The following FGF8 variants were observed in gnomAD, a reference collection of about 807,000 sequenced individuals.
The protein encoded by FGF8 is fibroblast growth factor 8.
FGF8 carries 12 observed loss-of-function variants against 29.7 expected under a neutral mutation model. The observed-to-expected ratio is 0.40, with a 90% CI of 0.26 to 0.65. The LOEUF (loss-of-function observed/expected upper bound fraction) is 0.65, where lower values mean the gene tolerates loss of function less well. FGF8 is among the 30% of genes least tolerant of loss of function. FGF8 has a pLI of 0.37. For missense variants in FGF8, 271 were observed against 345.1 expected, an observed-to-expected ratio of 0.79 and a Z score of 1.70; for synonymous variants, 157 against 144.4, an observed-to-expected ratio of 1.09 and a Z score of -0.63.
chr10:101,776,963 C>T (rs2065103691), upstream of FGF8, among the ~76,000 whole-genome samples: 1 of 152,058 alleles, frequency 6.6e-6, no homozygotes, highest in Non-Finnish European at 1.5e-5. Context: ...CCTGGCAGGA[C>T]CCACTGTCCC....
intron 4 of FGF8, 33 bp downstream of exon 4, chr10:101,774,699 C>T (rs371242617): frequency 3.7e-5 from 59 of 1,586,592 alleles, no homozygotes; most frequent in Non-Finnish European, 4.9e-5. Context: ...CCAGGCGCCG[C>T]GCATCCCACA....
intron 5 of FGF8, 64 bp from the exon 6 acceptor site, chr10:101,770,683 G>T: frequency 6.4e-7 from 1 of 1,571,156 alleles, no homozygotes; most frequent in Non-Finnish European, 8.7e-7. Context: ...AGGGCGAGCG[G>T]CCCCAGACAG....
At chr10:101,780,314 C>T (rs2065132136), upstream of FGF8, 1 of 152,300 alleles carries the variant, frequency 6.6e-6, no homozygotes, top group Non-Finnish European at 1.5e-5. Context: ...GGGGGAGAAC[C>T]TCCTTCACTA....
rs764290567 is a variant in FGF8, at chr10:101,772,997, C to T, written c.338-1428G>A. On this transcript the variant is annotated intron_variant, in intron 4 of 5. Coordinates refer to ENST00000320185, the MANE Select transcript of FGF8 (RefSeq NM_033163.5). The surrounding 1 kb of genome is among the most constrained non-coding windows in gnomAD (Gnocchi z 4.4). ...CCACTCTGGGGATTCTGGCCAGATG[C>T]GGCAGGCAGGGATGAAGTAGGTGCC... Among the ~76,000 whole-genome samples, 8 of 152,282 alleles carry T rather than the reference C, an allele frequency of 5.3e-5. No homozygotes were observed. Among genetic ancestry groups the T allele is most frequent in the East Asian group, 3.9e-4 (2 of 5,192 alleles).
intron 5 of FGF8, among the ~76,000 whole-genome samples, chr10:101,770,927 C>T (rs1163151342): frequency 2.0e-5 from 3 of 152,068 alleles, no homozygotes; most frequent in Admixed American, 6.5e-5. Context: ...TCTGGCCACC[C>T]GTCTCCCCAC....
At position 101,775,701 on chromosome 10, in the gene FGF8, C is replaced by T. The variant is rs757356983; in HGVS notation, c.69+39G>A. 9.1e-6 allele frequency: 14 copies of T among 1,539,212 alleles called. No homozygotes were observed. The highest frequency in any genetic ancestry group is 8.4e-5 in the South Asian group (7 of 83,702). ...GGCGCTGCCCACCCGGGTCTCACAC[C>T]GGCGCGCCCGGCCCCCGCCTCCGCG... On this transcript the variant is annotated intron_variant, in intron 2 of 5. Transcript: ENST00000320185. This position sits in a 1 kb window ranked among gnomAD's most constrained non-coding sequence, Gnocchi z 4.6.
In FGF8 at chr10:101,771,549, C is replaced by G; in HGVS notation, c.358G>C (p.Asp120His). The change falls in exon 5 of 6, where the codon GAC (aspartate) becomes CAC (histidine). Residue 120 changes from aspartate (D) to histidine (H), a missense_variant. Around this residue, in one of 3 missense-constraint regions of FGF8, gnomAD observed 168 missense variants for 207.0 expected, o/e 0.81. Transcript: ENST00000320185. The surrounding 1 kb of genome is among the most constrained non-coding windows in gnomAD (Gnocchi z 5.3). ...ACTCGAACTCTGCTTCCAAAGGTGTCCGTCTCCACGATGAGCTTTGCTGTC... is the reference window on the plus strand; with the variant it reads ...ACTCGAACTCTGCTTCCAAAGGTGTGCGTCTCCACGATGAGCTTTGCTGTC... Reference protein sequence around the residue: ...DPFAKLIVETDTFGSRVRVRG... With the variant: ...DPFAKLIVETHTFGSRVRVRG... The G allele has an allele frequency of 6.2e-7, 1 of 1,614,130 alleles. No homozygotes were observed. Among genetic ancestry groups the G allele is most frequent in the Non-Finnish European group, 8.5e-7 (1 of 1,179,966 alleles).
intron 4 of FGF8, among the ~76,000 whole-genome samples, chr10:101,773,710 G>A (rs544494760): frequency 1.7e-4 from 26 of 152,284 alleles, no homozygotes; most frequent in Admixed American, 6.5e-4. Context: ...TCAAGAAGAG[G>A]AGAAAGTATT....
At chr10:101,776,854 CCACACACACACACACA>C (rs71016347), upstream of FGF8, among the ~76,000 whole-genome samples, 6 of 123,980 alleles carry the variant, frequency 4.8e-5, no homozygotes, top group African/African-American at 9.7e-5. Context: ...GTGCCCCTCA[CCACACACACACACACA>C]CACACACACA....
In FGF8 at chr10:101,772,556, G is replaced by A. The variant is rs1038100919; in HGVS notation, c.338-987C>T. ...CTGTCCTCAAGAAAGTAGTGAGGGT[G>A]ACTTCACTGTTTAGGAAGGGACAGA... is the stretch of plus-strand genomic sequence containing the variant. On this transcript the variant is annotated intron_variant, in intron 4 of 5. Transcript: ENST00000320185. The surrounding 1 kb of genome is among the most constrained non-coding windows in gnomAD (Gnocchi z 4.4). 6.6e-6 allele frequency among the ~76,000 whole-genome samples: 1 copy of A among 152,204 alleles called. No homozygotes were observed. The highest frequency in any genetic ancestry group is 1.5e-5 in the Non-Finnish European group (1 of 68,036).
In FGF8 at chr10:101,775,734, C is replaced by G. The variant is rs2135002212; in HGVS notation, c.69+6G>C. ...CCGGCCCCCGCCTCCGCGCACCCCT[C>G]CTCACCTGGGCTTGGAGGCAGAGGA... On this transcript the variant is annotated splice_donor_region_variant and intron_variant, in intron 2 of 5. Transcript: ENST00000320185. The surrounding 1 kb of genome is among the most constrained non-coding windows in gnomAD (Gnocchi z 4.6). 1 of 1,545,238 alleles carries G rather than the reference C, an allele frequency of 6.5e-7. No homozygotes were observed. Among genetic ancestry groups the G allele is most frequent in the East Asian group, 2.5e-5 (1 of 40,808 alleles).
rs760069691 is a variant in FGF8 at position 101,774,745 on chromosome 10, G to T, written c.324C>A (p.Asp108Glu). ...ANKRINAMAEDGDPFAKLIVE... is the reference protein window; with the variant it reads ...ANKRINAMAEEGDPFAKLIVE... ...AGCGCGCCTTACCGAAGGGGTCGCC[G>T]TCCTCTGCCATGGCGTTGATGCGCT... Residue 108 changes from aspartate (D) to glutamate (E), a missense_variant, in exon 4 of 6, where the codon GAC becomes GAA. Around this residue, in one of 3 missense-constraint regions of FGF8, gnomAD observed 168 missense variants for 207.0 expected, o/e 0.81. Coordinates refer to ENST00000320185, the MANE Select transcript of FGF8 (RefSeq NM_033163.5). The T allele has an allele frequency of 6.2e-7, 1 of 1,605,576 alleles. No homozygotes were observed. Among genetic ancestry groups the T allele is most frequent in the Non-Finnish European group, 8.5e-7 (1 of 1,179,748 alleles).
rs2065086501 is a variant in FGF8 at position 101,775,991 on chromosome 10, G to A, written c.-91C>T. ...ACGCGCTGAGCAGGGCGCGAGCGGAGAGGGTGCGGGTGCGGGAGGCCGGCG... is the reference window on the plus strand; with the variant it reads ...ACGCGCTGAGCAGGGCGCGAGCGGAAAGGGTGCGGGTGCGGGAGGCCGGCG... On this transcript the variant is annotated 5_prime_UTR_variant, in exon 1 of 6. Transcript: ENST00000320185. The surrounding 1 kb of genome is among the most constrained non-coding windows in gnomAD (Gnocchi z 4.6). The A allele has an allele frequency of 2.2e-5, 19 of 864,684 alleles. No homozygotes were observed. The highest frequency in any genetic ancestry group is 2.6e-5 in the Non-Finnish European group (18 of 685,222). 53.6% of individuals were successfully genotyped at this position (864,684 alleles called of 1,614,324 possible). A position where few individuals can be genotyped will look rare whatever the true frequency, so the allele number is the denominator to read the frequency against.
chr10:101,777,557 A>G (rs925816629), upstream of FGF8, among the ~76,000 whole-genome samples: 2 of 152,194 alleles, frequency 1.3e-5, no homozygotes, highest in Admixed American at 1.3e-4. Context: ...GAGATGGGAA[A>G]ACAGTTAGAG....
upstream of FGF8, chr10:101,780,215 C>G (rs1006934461): frequency 6.6e-6 from 1 of 152,298 alleles, no homozygotes; most frequent in East Asian, 1.9e-4. Context: ...CCCAGATCAC[C>G]GCAACACAGA....
Position 101,775,774 on chromosome 10 carries a change from A to G in FGF8, c.35T>C (p.Leu12Pro). 1 of 1,544,402 alleles carries G rather than the reference A, an allele frequency of 6.5e-7. No homozygotes were observed. The highest frequency in any genetic ancestry group is 1.4e-5 in the African/African-American group (1 of 72,550). Residue 12 changes from leucine (L) to proline (P), a missense_variant and splice_region_variant, in exon 2 of 6, where the codon CTG becomes CCG. By Grantham distance (98) the Leu-to-Pro change is moderately conservative (BLOSUM62 -3). Around this residue, in one of 3 missense-constraint regions of FGF8, gnomAD observed 168 missense variants for 207.0 expected, o/e 0.81. Coordinates refer to ENST00000320185, the MANE Select transcript of FGF8 (RefSeq NM_033163.5). The surrounding 1 kb of genome is among the most constrained non-coding windows in gnomAD (Gnocchi z 4.6). ...GSPRSALSCLLLHLLVLCLQA... is the reference protein window; with the variant it reads ...GSPRSALSCLPLHLLVLCLQA... ...GAGGCAGAGGACCAGCAAGTGCAAC[A>G]GCCTGTGGGAGACAAAAGCGGGCGG...
At chr10:101,779,820 G>A (rs1393568623), upstream of FGF8, among the ~76,000 whole-genome samples, 1 of 152,236 alleles carries the variant, frequency 6.6e-6, no homozygotes, top group Non-Finnish European at 1.5e-5. This position sits in a 1 kb window ranked among gnomAD's most constrained non-coding sequence, Gnocchi z 5.7. Context: ...GAAGAGGAAG[G>A]GAAAGAGGAG....
At chr10:101,778,993 G>A (rs2065118658), upstream of FGF8, among the ~76,000 whole-genome samples, 1 of 152,068 alleles carries the variant, frequency 6.6e-6, no homozygotes, top group South Asian at 2.1e-4. Context: ...CCCACACTCC[G>A]CAAACACAAA....
rs756541067 is a variant in FGF8 at position 101,775,728 on chromosome 10, A to C, written c.69+12T>G. On this transcript the variant is annotated intron_variant, in intron 2 of 5. Coordinates refer to ENST00000320185, the MANE Select transcript of FGF8 (RefSeq NM_033163.5). This position sits in a 1 kb window ranked among gnomAD's most constrained non-coding sequence, Gnocchi z 4.6. ...GCGCGCCCGGCCCCCGCCTCCGCGC[A>C]CCCCTCCTCACCTGGGCTTGGAGGC... 1.9e-6 allele frequency: 3 copies of C among 1,542,310 alleles called. No individual in the cohort carries two copies. In the Admixed American group the frequency reaches 5.9e-5, roughly 30 times the overall value.
Sources: gnomAD v4.1 joint callset for allele counts (sites outside exome capture counted in the v4.1 genomes callset) on GRCh38, gnomAD v4.1.1 for gene constraint, gnomAD v4.1.1 regional missense constraint, Gnocchi (gnomAD v3.1) non-coding constraint, MANE v1.5 for transcripts, NCBI Gene and HGNC (gene_info 2026-07-23, HGNC 2026-07-21) for gene names.